Variants in ZC3H4 observed in about 807,000 individuals in gnomAD.
ZC3H4 encodes the protein zinc finger CCCH-type containing 4, also known as zinc finger CCCH domain-containing protein 4.
In ZC3H4, 13 loss-of-function variants were observed where a neutral mutation model predicts 108.3. The ratio of observed to expected loss-of-function variants is 0.12; its 90% CI spans 0.08 to 0.19. The LOEUF (loss-of-function observed/expected upper bound fraction) is 0.19, where lower values mean the gene tolerates loss of function less well. Ranked by LOEUF, ZC3H4 falls within the 10% of genes least tolerant of loss-of-function variation. The pLI is 1.00. For synonymous variants in ZC3H4, 917 were observed against 749.6 expected, an observed-to-expected ratio of 1.22 and a Z score of -3.65; for missense variants, 1,734 against 1,838.8, an observed-to-expected ratio of 0.94 and a Z score of 1.04.
At chr19:47,075,625 C>G (rs1286389269) in intron 11 of ZC3H4, among the ~76,000 whole-genome samples, 1 of 152,084 alleles carries the variant, frequency 6.6e-6, no homozygotes, top group African/African-American at 2.4e-5. Context: ...CACACATACA[C>G]ACACACACTC....
chr19:47,074,945 C>T (rs1176501918), intron 11 of ZC3H4, among the ~76,000 whole-genome samples: 2 of 152,224 alleles, frequency 1.3e-5, no homozygotes, highest in South Asian at 2.1e-4. Flanking sequence ...TGCTCTGGGT[C>T]ATCTTGGGGA....
chr19:47,066,835 C>A lies in ZC3H4; in HGVS notation c.3433G>T (p.Gly1145Cys). Reference protein sequence around the residue: ...GGGGQSSVLSGISLYDPRTPN... With the variant: ...GGGGQSSVLSCISLYDPRTPN... ...GTCCTCGGGTCGTAGAGGCTGATAC[C>A]GCTCAGCACACTGCTCTGCCCGCCC... The change falls in exon 15 of 15, where the codon GGT becomes TGT. Residue 1145 changes from glycine (G) to cysteine (C), a missense_variant. By Grantham distance (159) the Gly-to-Cys change is radical. This residue lies in a region of ZC3H4 where 518 missense variants were observed against 499.6 expected (regional missense o/e 1.04). Coordinates refer to ENST00000253048, the MANE Select transcript of ZC3H4 (RefSeq NM_015168.2). 1 of 1,599,650 alleles carries A rather than the reference C, an allele frequency of 6.3e-7. No homozygotes were observed. Among genetic ancestry groups the A allele is most frequent in the Non-Finnish European group, 8.5e-7 (1 of 1,179,304 alleles).
At chr19:47,087,835 C>G in intron 5 of ZC3H4, among the ~76,000 whole-genome samples, 1 of 152,058 alleles carries the variant, frequency 6.6e-6, no homozygotes, top group Non-Finnish European at 1.5e-5. Flanking sequence ...CATGGTGCCA[C>G]TGCACTCCAG....
intron 8 of ZC3H4, 62 bp from the exon 9 acceptor site, chr19:47,084,517 G>A (rs2057581613): frequency 1.2e-5 from 19 of 1,534,990 alleles, no homozygotes; most frequent in Non-Finnish European, 1.7e-5. Flanking sequence ...ATGGGATCGG[G>A]GTTAATAAGA....
intron 14 of ZC3H4, 63 bp downstream of exon 14, chr19:47,069,029 C>G: frequency 6.3e-7 from 1 of 1,596,218 alleles, no homozygotes; most frequent in African/African-American, 1.3e-5. Flanking sequence ...AACACCCCAC[C>G]ACCGCCGCTC....
chr19:47,092,847 T>C (rs139466667), intron 4 of ZC3H4, among the ~76,000 whole-genome samples: 187 of 150,160 alleles, frequency 1.2e-3, no homozygotes, highest in African/African-American at 3.4e-3. Context: ...AATAAATAAA[T>C]AAACAAACAA....
intron 2 of ZC3H4, among the ~76,000 whole-genome samples, chr19:47,099,276 A>G (rs2057869573): frequency 6.6e-6 from 1 of 152,112 alleles, no homozygotes; most frequent in African/African-American, 2.4e-5. Flanking sequence ...CCTGACCAAC[A>G]TGGAGAAACT....
chr19:47,085,719 T>C (rs949621380), intron 6 of ZC3H4, among the ~76,000 whole-genome samples: 2 of 152,090 alleles, frequency 1.3e-5, no homozygotes, highest in African/African-American at 4.8e-5. Flanking sequence ...AGGACCAGGA[T>C]GGCAAGTGCA....
chr19:47,104,324 A>G (rs2057942039), intron 2 of ZC3H4, among the ~76,000 whole-genome samples: 1 of 152,114 alleles, frequency 6.6e-6, no homozygotes, highest in African/African-American at 2.4e-5. Context: ...GTCTAAAATA[A>G]TAATAATAAT....
chr19:47,112,236 G>T, intron 2 of ZC3H4, 188 bp downstream of exon 2: 2 of 1,165,604 alleles, frequency 1.7e-6, no homozygotes, highest in Non-Finnish European at 2.2e-6. Context: ...GCATGAGGCC[G>T]GGAGAGAAAG....
At chr19:47,092,107 G>GTT (rs1269687469) in intron 4 of ZC3H4, among the ~76,000 whole-genome samples, 2 of 151,716 alleles carry the variant, frequency 1.3e-5, no homozygotes, top group Non-Finnish European at 2.9e-5. Context: ...AGGAGGCTGA[G>GTT]GCAGGAAGAT....
Position 47,090,162 on chromosome 19 carries a change from C to T in ZC3H4, c.520G>A (p.Ala174Thr), listed in dbSNP as rs777957443. The change falls in exon 5 of 15, where the codon GCC (alanine) becomes ACC (threonine). Residue 174 changes from alanine to threonine, a missense_variant. Around this residue, in one of 9 missense-constraint regions of ZC3H4, gnomAD observed 403 missense variants for 457.0 expected, o/e 0.88. Transcript: ENST00000253048. ...TATGCCTTCTTGGGCAGGGGCGTGG[C>T]ATGCGATGGGGGGTACTGCTGGTGG... ...PSHQQYPPSH[A>T]TPLPKKAYSK... 6.2e-7 allele frequency: 1 copy of T among 1,614,206 alleles called. No homozygotes were observed. Among genetic ancestry groups the T allele is most frequent in the South Asian group, 1.1e-5 (1 of 91,084 alleles).
At position 47,088,038 on chromosome 19, in the gene ZC3H4, C is replaced by T. The variant is rs1038765817; in HGVS notation, c.716-1500G>A. 5.3e-5 allele frequency among the ~76,000 whole-genome samples: 8 copies of T among 151,148 alleles called. No individual in the cohort carries two copies. In the East Asian group the frequency reaches 5.9e-4, roughly 11 times the overall value. ...ACTACAAAAAATTAGCCGGGCGTGG[C>T]GGCAAGCACCTGTAGTCCCAGCTAC... On this transcript the variant is annotated intron_variant, in intron 5 of 14. Coordinates refer to ENST00000253048, the MANE Select transcript of ZC3H4 (RefSeq NM_015168.2).
Position 47,086,444 on chromosome 19 carries a change from T to TCTGCCCCTGCCTCGGCTGCCC in ZC3H4, c.789_809dup (p.Arg266_Ser272dup), listed in dbSNP as rs1451170647. Reference sequence around the variant, plus strand: ...CCGGGTGGTCTCCTCCCATAGAGCCTCTGCCCCTGCCTCGGCTGCCCCTGC... The same window carrying TCTGCCCCTGCCTCGGCTGCCC: ...CCGGGTGGTCTCCTCCCATAGAGCCTCTGCCCCTGCCTCGGCTGCCCCTGCCCCTGCCTCGGCTGCCCCTGC... On this transcript the variant is annotated inframe_insertion, in exon 6 of 15. Coordinates refer to ENST00000253048, the MANE Select transcript of ZC3H4 (RefSeq NM_015168.2). The TCTGCCCCTGCCTCGGCTGCCC allele has an allele frequency of 1.2e-6, 2 of 1,612,856 alleles. No homozygotes were observed. The highest frequency in any genetic ancestry group is 8.5e-7 in the Non-Finnish European group (1 of 1,179,786).
intron 2 of ZC3H4, among the ~76,000 whole-genome samples, chr19:47,109,730 G>A (rs1308354389): frequency 6.6e-6 from 1 of 152,126 alleles, no homozygotes; most frequent in African/African-American, 2.4e-5. Flanking sequence ...ACATGTGCGT[G>A]ACCTTTTTTC....
chr19:47,066,260 C>G lies in ZC3H4; in HGVS notation c.*96G>C. ...AAAAAGAAAAGAAAAAAGGAACACC[C>G]AGCCTGCCTCCCCTTGCCCCCAAGT... On this transcript the variant is annotated 3_prime_UTR_variant, in exon 15 of 15. Transcript: ENST00000253048. 3 of 977,718 alleles carry G rather than the reference C, an allele frequency of 3.1e-6. No individual in the cohort carries two copies. 60.6% of individuals were successfully genotyped at this position (977,718 alleles called of 1,614,324 possible).
chr19:47,085,508 A>G (rs1733312043), intron 6 of ZC3H4, 94 bp from the exon 7 acceptor site: 2 of 1,175,806 alleles, frequency 1.7e-6, no homozygotes, highest in Non-Finnish European at 2.4e-6. Flanking sequence ...AAGGATGGTG[A>G]CCATCCAGGG....
chr19:47,085,285 C>G (rs2057599155), intron 7 of ZC3H4, 33 bp downstream of exon 7: 1 of 1,572,800 alleles, frequency 6.4e-7, no homozygotes, highest in Non-Finnish European at 8.7e-7. Context: ...ATCCCTGCCC[C>G]ACCCAGCGTG....
chr19:47,091,271 CA>C (rs1013979924), intron 4 of ZC3H4, among the ~76,000 whole-genome samples: 25 of 151,160 alleles, frequency 1.7e-4, no homozygotes, highest in African/African-American at 6.1e-4. Flanking sequence ...AACAACAACT[CA>C]AAAAAATTAA....
Sources: allele counts gnomAD v4.1 joint callset (sites outside exome capture counted in the v4.1 genomes callset), GRCh38; gene constraint gnomAD v4.1.1; regional missense constraint gnomAD v4.1.1; transcripts MANE v1.5; gene names NCBI Gene and HGNC (gene_info 2026-07-23, HGNC 2026-07-21).